The following DISP1 variants were observed in gnomAD, a reference collection of about 807,000 sequenced individuals.
DISP1 encodes protein dispatched homolog 1.
Under a neutral mutation model 37.3 loss-of-function variants are expected in DISP1, and 30 were observed. The ratio of observed to expected loss-of-function variants is 0.80; its 90% CI spans 0.60 to 1.09. The LOEUF (loss-of-function observed/expected upper bound fraction) is 1.09, where lower values mean the gene tolerates loss of function less well. Among genes scored for constraint, DISP1 ranks in the 50% least tolerant of loss-of-function variants. DISP1 has a pLI of 0.00. For synonymous variants in DISP1, 634 were observed against 690.2 expected, an observed-to-expected ratio of 0.92 and a Z score of 1.28; for missense variants, 1,598 against 1,879.5, an observed-to-expected ratio of 0.85 and a Z score of 2.77.
At chr1:222,841,184 G>A (rs1572309659) in intron 1 of DISP1, among the ~76,000 whole-genome samples, 1 of 151,960 alleles carries the variant, frequency 6.6e-6, no homozygotes, top group Non-Finnish European at 1.5e-5. Flanking sequence ...TCTTTTGTTA[G>A]CATATTTTAT....
chr1:222,959,007 T>C (rs532680471), intron 3 of DISP1, among the ~76,000 whole-genome samples: 2 of 152,304 alleles, frequency 1.3e-5, no homozygotes, highest in Admixed American at 6.5e-5. Flanking sequence ...TTCTTTCTAA[T>C]TCTCATCACA....
chr1:222,827,919 C>T (rs983153396), intron 1 of DISP1, among the ~76,000 whole-genome samples: 3 of 152,128 alleles, frequency 2.0e-5, no homozygotes, highest in Non-Finnish European at 4.4e-5. Context: ...AGTTGTGATA[C>T]TCAAGCTGAA....
chr1:222,941,828 G>C (rs1271900875), intron 2 of DISP1, among the ~76,000 whole-genome samples: 1 of 152,090 alleles, frequency 6.6e-6, no homozygotes, highest in African/African-American at 2.4e-5. Context: ...ATGCTAGAAG[G>C]GTTAGCGAGC....
intron 3 of DISP1, among the ~76,000 whole-genome samples, chr1:222,971,717 G>A (rs1181043449): frequency 2.0e-5 from 3 of 152,008 alleles, no homozygotes; most frequent in African/African-American, 4.8e-5. Context: ...TAACAAATGA[G>A]CAAATTTGAG....
intron 1 of DISP1, among the ~76,000 whole-genome samples, chr1:222,915,619 A>G (rs1405007027): frequency 2.6e-5 from 4 of 152,248 alleles, no homozygotes; most frequent in Admixed American, 2.6e-4. Flanking sequence ...TGCAACAAAT[A>G]ACTTACTAGT....
chr1:222,825,030 T>C (rs1663967853), intron 1 of DISP1, among the ~76,000 whole-genome samples: 1 of 152,140 alleles, frequency 6.6e-6, no homozygotes. Flanking sequence ...AGTAAATTAG[T>C]GGCCACCAAA....
chr1:222,892,497 A>T (rs1405984214), intron 1 of DISP1, among the ~76,000 whole-genome samples: 1 of 152,254 alleles, frequency 6.6e-6, no homozygotes, highest in Admixed American at 6.5e-5. Context: ...GCAAAATCTT[A>T]AATTGGTCAT....
rs373851972 is a variant in DISP1, at chr1:223,003,379, G to A, written c.1982G>A (p.Arg661Gln). 1.7e-5 allele frequency: 27 copies of A among 1,613,898 alleles called. No homozygotes were observed. The highest frequency in any genetic ancestry group is 1.6e-4 in the Middle Eastern group (1 of 6,084). The stretch of plus-strand genomic sequence containing the variant: ...CCAGCAGTTGTTGTGCTGCATGAGC[G>A]GTATCTTCTTAATATATTCACTTGC... Reference protein sequence around the residue: ...WLPAVVVLHERYLLNIFTCFK... With the variant: ...WLPAVVVLHEQYLLNIFTCFK... The change falls in exon 9 of 9, where the codon CGG becomes CAG. Residue 661 changes from arginine to glutamine, a missense_variant. Arg to Gln is a conservative substitution (Grantham distance 43, BLOSUM62 1). Transcript: ENST00000675850. The surrounding 1 kb of genome is among the most constrained non-coding windows in gnomAD (Gnocchi z 4.3).
At chr1:222,950,406 C>T (rs2609381) in intron 3 of DISP1, among the ~76,000 whole-genome samples, 107,494 of 152,036 alleles carry the variant, frequency 0.71, 38,373 homozygotes, top group East Asian at 0.81. Flanking sequence ...CGAGACCGTC[C>T]TGGCTAACAC....
intron 2 of DISP1, among the ~76,000 whole-genome samples, chr1:222,942,140 C>G (rs1674432733): frequency 6.6e-6 from 1 of 151,656 alleles, no homozygotes; most frequent in Non-Finnish European, 1.5e-5. Flanking sequence ...TGAAGCAAAT[C>G]CCACCCATAG....
At chr1:222,852,925 G>A (rs565172470) in intron 1 of DISP1, among the ~76,000 whole-genome samples, 1 of 152,284 alleles carries the variant, frequency 6.6e-6, no homozygotes, top group African/African-American at 2.4e-5. Context: ...ACAATAGTGA[G>A]TAGTGGGTAT....
At chr1:222,984,950 A>G (rs1240194671) in intron 4 of DISP1, among the ~76,000 whole-genome samples, 1 of 152,188 alleles carries the variant, frequency 6.6e-6, no homozygotes, top group African/African-American at 2.4e-5. Flanking sequence ...TCATTCATGT[A>G]GCATGTATTA....
At chr1:222,883,603 G>A (rs1025389063) in intron 1 of DISP1, among the ~76,000 whole-genome samples, 3 of 152,194 alleles carry the variant, frequency 2.0e-5, no homozygotes, top group Non-Finnish European at 1.5e-5. Context: ...GCGACAGAGC[G>A]AGACTCTGTC....
At chr1:222,869,149 C>T (rs926664379) in intron 1 of DISP1, among the ~76,000 whole-genome samples, 3 of 151,946 alleles carry the variant, frequency 2.0e-5, no homozygotes, top group Non-Finnish European at 1.5e-5. Flanking sequence ...TTCAATAACC[C>T]CAAATAAGTG....
Position 223,002,748 on chromosome 1 carries a change from T to C in DISP1, c.1351T>C (p.Tyr451His), listed in dbSNP as rs1279471995. 1 of 1,614,148 alleles carries C rather than the reference T, an allele frequency of 6.2e-7. No homozygotes were observed. Among genetic ancestry groups the C allele is most frequent in the Non-Finnish European group, 8.5e-7 (1 of 1,180,022 alleles). ...TGACTATGCCACGCCAGCTTTAAAA[T>C]ACAGCATGCTCTTCTCTCCCACAGA... The part of the protein sequence containing the change: ...TADYATPALK[Y>H]SMLFSPTEKG... The change falls in exon 9 of 9, where the codon TAC becomes CAC. Residue 451 changes from tyrosine to histidine, a missense_variant. Tyr to His is a moderately conservative substitution (Grantham distance 83). Transcript: ENST00000675850.
intron 1 of DISP1, among the ~76,000 whole-genome samples, chr1:222,905,588 A>T (rs931776179): frequency 6.6e-6 from 1 of 151,900 alleles, no homozygotes; most frequent in African/African-American, 2.4e-5. Context: ...TATAATTTAT[A>T]CTTTCATTGC....
At chr1:222,985,655 G>A (rs891462774) in intron 4 of DISP1, among the ~76,000 whole-genome samples, 2 of 152,044 alleles carry the variant, frequency 1.3e-5, no homozygotes, top group African/African-American at 4.8e-5. Context: ...GTCTCGGGGT[G>A]GGGGAAAGAA....
At chr1:222,952,984 CTTTA>C (rs1199587511) in intron 3 of DISP1, among the ~76,000 whole-genome samples, 2 of 152,184 alleles carry the variant, frequency 1.3e-5, no homozygotes, top group African/African-American at 4.8e-5. Flanking sequence ...CACTGCATAT[CTTTA>C]TTTATGAGTC....
intron 1 of DISP1, among the ~76,000 whole-genome samples, chr1:222,850,803 A>G (rs1159142465): frequency 5.9e-5 from 9 of 152,174 alleles, no homozygotes; most frequent in Non-Finnish European, 1.3e-4. Context: ...TAATAAATGT[A>G]GTACATTTAC....
Sources: allele counts gnomAD v4.1 joint callset (sites outside exome capture counted in the v4.1 genomes callset), GRCh38; gene constraint gnomAD v4.1.1; non-coding constraint Gnocchi (gnomAD v3.1); transcripts MANE v1.5; gene names NCBI Gene and HGNC (gene_info 2026-07-23, HGNC 2026-07-21).